Variants in SDCCAG8 observed in about 807,000 individuals in gnomAD.
The protein encoded by SDCCAG8 is SHH signaling and ciliogenesis regulator SDCCAG8.
In SDCCAG8, 74 loss-of-function variants were observed where a neutral mutation model predicts 101.8. That is an observed-to-expected ratio of 0.73 (90% confidence interval 0.60 to 0.88). The LOEUF (loss-of-function observed/expected upper bound fraction) is 0.88. Ranked by LOEUF, SDCCAG8 falls within the 40% of genes least tolerant of loss-of-function variation. SDCCAG8 has a pLI of 0.00. For missense variants in SDCCAG8, 787 were observed against 822.6 expected, an observed-to-expected ratio of 0.96 and a Z score of 0.53; for synonymous variants, 281 against 292.9, an observed-to-expected ratio of 0.96 and a Z score of 0.41.
intron 11 of SDCCAG8, among the ~76,000 whole-genome samples, chr1:243,342,929 A>G (rs2075464401): frequency 6.6e-6 from 1 of 152,122 alleles, no homozygotes; most frequent in East Asian, 1.9e-4. Flanking sequence ...AGATTAATTT[A>G]TTTTTAAAAT....
chr1:243,281,977 G>T (rs909845504), intron 4 of SDCCAG8, among the ~76,000 whole-genome samples: 9 of 151,896 alleles, frequency 5.9e-5, no homozygotes, highest in Non-Finnish European at 1.3e-4. Context: ...CATTTTATAT[G>T]ATTGCATTTT....
intron 12 of SDCCAG8, among the ~76,000 whole-genome samples, chr1:243,365,330 T>G (rs1046002006): frequency 6.6e-6 from 1 of 152,260 alleles, no homozygotes; most frequent in Admixed American, 6.5e-5. Context: ...CTCCCAAATG[T>G]TTTTGGGACC....
At chr1:243,316,422 C>T (rs1414131553) in intron 8 of SDCCAG8, among the ~76,000 whole-genome samples, 1 of 152,178 alleles carries the variant, frequency 6.6e-6, no homozygotes, top group East Asian at 1.9e-4. Flanking sequence ...ACCTTCCCTA[C>T]TTTGCTGCAT....
At chr1:243,283,454 T>C (rs1481216824) in intron 4 of SDCCAG8, among the ~76,000 whole-genome samples, 1 of 150,350 alleles carries the variant, frequency 6.7e-6, no homozygotes, top group Non-Finnish European at 1.5e-5. Flanking sequence ...AATTTGTAAT[T>C]GTACTGCAGT....
intron 8 of SDCCAG8, among the ~76,000 whole-genome samples, 177 bp from the exon 9 acceptor site, chr1:243,316,578 C>A (rs569842353): frequency 8.5e-4 from 130 of 152,312 alleles, no homozygotes; most frequent in African/African-American, 2.5e-3. Flanking sequence ...GGCTGCTCCG[C>A]CCGCCGCTCG....
intron 14 of SDCCAG8, among the ~76,000 whole-genome samples, chr1:243,417,309 T>C (rs187433451): frequency 1.3e-5 from 2 of 152,352 alleles, no homozygotes; most frequent in Admixed American, 1.3e-4. Flanking sequence ...GATTAGAATG[T>C]ATTTAACTGT....
intron 12 of SDCCAG8, among the ~76,000 whole-genome samples, chr1:243,369,523 G>C (rs1305504382): frequency 1.3e-5 from 2 of 152,204 alleles, no homozygotes; most frequent in East Asian, 3.9e-4. Flanking sequence ...CAGTAACTAT[G>C]AACCATCTGA....
In SDCCAG8 at chr1:243,415,775, G is replaced by C. The variant is rs750265815; in HGVS notation, c.1690G>C (p.Glu564Gln). The change falls in exon 14 of 18, where the codon GAG becomes CAG. Residue 564 changes from glutamate to glutamine, a missense_variant. Glu to Gln is a conservative substitution (Grantham distance 29, BLOSUM62 2). Coordinates refer to ENST00000366541, the MANE Select transcript of SDCCAG8 (RefSeq NM_006642.5). ...KAQALQAQQR[E>Q]QELTQKIQQM... The stretch of plus-strand genomic sequence containing the variant: ...CCAAGCCCTTCAGGCCCAGCAAAGA[G>C]AGCAGGAGCTGACACAGAAGATACA... 3.1e-6 allele frequency: 5 copies of C among 1,613,820 alleles called. No individual in the cohort carries two copies. The highest frequency in any genetic ancestry group is 3.4e-6 in the Non-Finnish European group (4 of 1,179,790).
intron 12 of SDCCAG8, among the ~76,000 whole-genome samples, chr1:243,349,022 A>C (rs1314852599): frequency 2.6e-5 from 4 of 151,988 alleles, no homozygotes; most frequent in East Asian, 1.9e-4. Flanking sequence ...AAAAAAAAAA[A>C]ACACAATTCT....
chr1:243,344,533 G>A (rs2075586486), intron 12 of SDCCAG8, among the ~76,000 whole-genome samples: 2 of 152,168 alleles, frequency 1.3e-5, no homozygotes, highest in South Asian at 4.1e-4. Flanking sequence ...ACAACAGCAT[G>A]CATATAAAAT....
intron 13 of SDCCAG8, among the ~76,000 whole-genome samples, chr1:243,410,195 T>C (rs1489654389): frequency 6.6e-6 from 1 of 152,166 alleles, no homozygotes; most frequent in Non-Finnish European, 1.5e-5. Flanking sequence ...AAATAGAGCA[T>C]GGTGGAAGTG....
intron 13 of SDCCAG8, among the ~76,000 whole-genome samples, chr1:243,383,286 C>G (rs1319845280): frequency 6.6e-6 from 1 of 152,148 alleles, no homozygotes; most frequent in African/African-American, 2.4e-5. Flanking sequence ...TTGAAGAAAC[C>G]TGAATTATAG....
chr1:243,271,023 G>A lies in SDCCAG8; in HGVS notation c.266G>A (p.Ser89Asn). 6.2e-7 allele frequency: 1 copy of A among 1,613,612 alleles called. No individual in the cohort carries two copies. Among genetic ancestry groups the A allele is most frequent in the Non-Finnish European group, 8.5e-7 (1 of 1,179,700 alleles). Residue 89 changes from serine to asparagine, a missense_variant, in exon 3 of 18, where the codon AGT (serine) becomes AAT (asparagine). Coordinates refer to ENST00000366541, the MANE Select transcript of SDCCAG8 (RefSeq NM_006642.5). Reference sequence around the variant, plus strand: ...TTGCGCCAACAAGCAGATAAGGAAAGTGAAGTATCTCCGTCAAGAAGAAGA... The same window carrying A: ...TTGCGCCAACAAGCAGATAAGGAAAATGAAGTATCTCCGTCAAGAAGAAGA... ...DLLRQQADKE[S>N]EVSPSRRRKM... is the part of the protein sequence containing the mutation.
rs865797389 is a variant in SDCCAG8, at chr1:243,275,863, T to G, written c.420+1207T>G. On this transcript the variant is annotated intron_variant, in intron 4 of 17. Coordinates refer to ENST00000366541, the MANE Select transcript of SDCCAG8 (RefSeq NM_006642.5). ...GAGAGATCTTGAACCAATGTTTTTT[T>G]TTTTTTTTTTTTTTTTTTTTTGATG... Among the ~76,000 whole-genome samples the G allele has an allele frequency of 3.1e-4, 41 of 133,250 alleles. No individual in the cohort carries two copies. In the South Asian group the frequency reaches 8.6e-3, roughly 28 times the overall value. The allele number at this position is 133,250 out of a possible 152,430, so 87.4% of individuals were successfully genotyped here.
At chr1:243,257,163 A>G (rs746778975) in intron 1 of SDCCAG8, among the ~76,000 whole-genome samples, 16 of 152,252 alleles carry the variant, frequency 1.1e-4, no homozygotes, top group Non-Finnish European at 2.2e-4. Flanking sequence ...GTTTACCTAT[A>G]GTAAGAAATA....
intron 6 of SDCCAG8, among the ~76,000 whole-genome samples, chr1:243,299,576 A>T (rs1478665275): frequency 6.6e-6 from 1 of 151,376 alleles, no homozygotes; most frequent in African/African-American, 2.4e-5. Context: ...ACCACACTCG[A>T]CTAATTTTTG....
intron 12 of SDCCAG8, among the ~76,000 whole-genome samples, chr1:243,365,176 G>A (rs139850398): frequency 4.6e-5 from 7 of 152,208 alleles, no homozygotes; most frequent in African/African-American, 1.4e-4. Flanking sequence ...TAACTTCACT[G>A]GATCCCACGT....
intron 10 of SDCCAG8, among the ~76,000 whole-genome samples, chr1:243,336,341 T>C (rs1356328809): frequency 2.0e-5 from 3 of 152,198 alleles, no homozygotes; most frequent in African/African-American, 7.2e-5. Flanking sequence ...TGGGATCTCA[T>C]TGTGGTTTTG....
chr1:243,307,844 T>A, intron 7 of SDCCAG8, 145 bp from the exon 8 acceptor site: 3 of 1,488,380 alleles, frequency 2.0e-6, no homozygotes, highest in Non-Finnish European at 2.7e-6. Context: ...AGGGTCGTGG[T>A]AAAAATTAAT....
Sources: allele counts gnomAD v4.1 joint callset (sites outside exome capture counted in the v4.1 genomes callset), GRCh38; gene constraint gnomAD v4.1.1; transcripts MANE v1.5; gene names NCBI Gene and HGNC (gene_info 2026-07-23, HGNC 2026-07-21).